Variants in SPECC1L observed in about 807,000 individuals in gnomAD.
The protein encoded by SPECC1L is cytospin-A.
Under a neutral mutation model 116.8 loss-of-function variants are expected in SPECC1L, and 40 were observed. The ratio of observed to expected loss-of-function variants is 0.34; its 90% CI spans 0.27 to 0.45. The LOEUF is 0.45. Among genes scored for constraint, SPECC1L ranks in the 20% least tolerant of loss-of-function variants. The pLI is 1.00. For missense variants in SPECC1L, 1,110 were observed against 1,373.6 expected, an observed-to-expected ratio of 0.81 and a Z score of 3.03; for synonymous variants, 504 against 500.6, an observed-to-expected ratio of 1.01 and a Z score of -0.09.
In SPECC1L at chr22:24,330,450, G is replaced by A; in HGVS notation, c.2396+19G>A. On this transcript the variant is annotated intron_variant, in intron 8 of 16. Transcript: ENST00000314328. Reference sequence around the variant, plus strand: ...CACGCAAGTAAGTTCTGAGAAACCTGTTGTGTACTTATGTTTCAGTAGAGA... The same window carrying A: ...CACGCAAGTAAGTTCTGAGAAACCTATTGTGTACTTATGTTTCAGTAGAGA... The A allele has an allele frequency of 6.2e-7, 1 of 1,613,576 alleles. No homozygotes were observed. Among genetic ancestry groups the A allele is most frequent in the Non-Finnish European group, 8.5e-7 (1 of 1,179,536 alleles).
At chr22:24,412,615 T>C in intron 15 of SPECC1L, 33 bp from the exon 16 acceptor site, 2 of 1,611,824 alleles carry the variant, frequency 1.2e-6, no homozygotes, top group Non-Finnish European at 1.7e-6. Context: ...TGTGCCTTGT[T>C]CATGCACTGC....
At chr22:24,329,998 T>C (rs774388304) in intron 7 of SPECC1L, among the ~76,000 whole-genome samples, 1 of 152,242 alleles carries the variant, frequency 6.6e-6, no homozygotes, top group Non-Finnish European at 1.5e-5. Context: ...CATTAATATC[T>C]GTTGAGCACT....
chr22:24,371,841 C>T (rs1452814681), intron 14 of SPECC1L, among the ~76,000 whole-genome samples: 2 of 152,324 alleles, frequency 1.3e-5, no homozygotes, highest in Non-Finnish European at 2.9e-5. Flanking sequence ...TCTGCCTCAG[C>T]CTCTCAAGTA....
At chr22:24,275,894 T>G (rs397843548) in intron 1 of SPECC1L, among the ~76,000 whole-genome samples, 7 of 152,216 alleles carry the variant, frequency 4.6e-5, no homozygotes, top group South Asian at 4.1e-4. Flanking sequence ...AAATTGTTTT[T>G]GAGAGACGTG....
Position 24,302,203 on chromosome 22 carries a change from G to A in SPECC1L, c.-29G>A, listed in dbSNP as rs1326554212. Reference sequence around the variant, plus strand: ...CCATTTTTTTCCCACAGATTTGCTTGTAAATGCATCACGAAGAGGCAGCCC... The same window carrying A: ...CCATTTTTTTCCCACAGATTTGCTTATAAATGCATCACGAAGAGGCAGCCC... On this transcript the variant is annotated 5_prime_UTR_variant, in exon 3 of 17. Transcript: ENST00000314328. The A allele has an allele frequency of 5.0e-6, 8 of 1,613,364 alleles. No individual in the cohort carries two copies. The Admixed American group carries it at 6.7e-5, about 13-fold the overall frequency.
At chr22:24,356,239 T>C (rs749050906) in intron 11 of SPECC1L, among the ~76,000 whole-genome samples, 1 of 152,232 alleles carries the variant, frequency 6.6e-6, no homozygotes, top group Non-Finnish European at 1.5e-5. Context: ...TTCTGTCTGC[T>C]CGTTTCTAGG....
chr22:24,412,844 G>GGCC, intron 16 of SPECC1L, 137 bp downstream of exon 16: 1 of 884,384 alleles, frequency 1.1e-6, no homozygotes, highest in Non-Finnish European at 1.9e-6. Context: ...GTGCTCTGGG[G>GGCC]CCAAGGGAGG....
intron 8 of SPECC1L, 49 bp downstream of exon 8, chr22:24,330,480 TTAAA>T: frequency 6.3e-7 from 1 of 1,592,902 alleles, no homozygotes; most frequent in African/African-American, 1.3e-5. Flanking sequence ...TAGAGAACAC[TTAAA>T]TCCCAATTTT....
At chr22:24,411,726 C>A (rs748287793) in intron 15 of SPECC1L, 22 bp downstream of exon 15, 1 of 1,587,300 alleles carries the variant, frequency 6.3e-7, no homozygotes, top group East Asian at 2.2e-5. Flanking sequence ...AGGGCCAGCT[C>A]CTGGCACCCA....
At chr22:24,316,812 T>G (rs2040579632) in intron 4 of SPECC1L, among the ~76,000 whole-genome samples, 1 of 142,520 alleles carries the variant, frequency 7.0e-6, no homozygotes, top group African/African-American at 2.6e-5. Flanking sequence ...CCAGACGGGG[T>G]GGTGGCCGGG....
chr22:24,330,476 A>G (rs1569423549), intron 8 of SPECC1L, 45 bp downstream of exon 8: 1 of 1,601,724 alleles, frequency 6.2e-7, no homozygotes, highest in Admixed American at 1.7e-5. Flanking sequence ...TCAGTAGAGA[A>G]CACTTAAATC....
At chr22:24,323,292 G>C (rs957726922) in intron 5 of SPECC1L, among the ~76,000 whole-genome samples, 3 of 152,166 alleles carry the variant, frequency 2.0e-5, no homozygotes, top group African/African-American at 7.2e-5. Flanking sequence ...CAGTATTCCA[G>C]TCTGTAGCAT....
intron 3 of SPECC1L, 90 bp from the exon 4 acceptor site, chr22:24,313,223 T>G (rs1323175759): frequency 8.6e-6 from 12 of 1,401,552 alleles, no homozygotes; most frequent in Non-Finnish European, 1.2e-5. Flanking sequence ...GCTCTTGAAC[T>G]TAGTATAAAA....
chr22:24,373,854 G>A (rs1327091129), intron 14 of SPECC1L, among the ~76,000 whole-genome samples: 1 of 151,998 alleles, frequency 6.6e-6, no homozygotes, highest in Non-Finnish European at 1.5e-5. Flanking sequence ...CAGAATGGGA[G>A]AAAATTTTCG....
chr22:24,271,982 T>A (rs973311836), intron 1 of SPECC1L, among the ~76,000 whole-genome samples: 4 of 152,192 alleles, frequency 2.6e-5, no homozygotes, highest in African/African-American at 9.7e-5. Flanking sequence ...GCTGTAGGCT[T>A]TGTAGACAAC....
At chr22:24,396,296 T>G (rs1355138139) in intron 14 of SPECC1L, among the ~76,000 whole-genome samples, 1 of 41,126 alleles carries the variant, frequency 2.4e-5, no homozygotes, top group Non-Finnish European at 4.7e-5. Context: ...CTTTCTGTGG[T>G]TTTTTTTTTT....
At chr22:24,356,773 T>C (rs369048109) in intron 11 of SPECC1L, among the ~76,000 whole-genome samples, 1 of 151,730 alleles carries the variant, frequency 6.6e-6, no homozygotes, top group Admixed American at 6.5e-5. Context: ...TGACCATTTG[T>C]TATTACTTTG....
intron 14 of SPECC1L, among the ~76,000 whole-genome samples, chr22:24,373,212 A>G (rs897466326): frequency 3.3e-5 from 5 of 152,334 alleles, no homozygotes; most frequent in African/African-American, 1.2e-4. Context: ...AAGGTAATTT[A>G]TAGATTCAGT....
At chr22:24,316,407 T>A in intron 4 of SPECC1L, among the ~76,000 whole-genome samples, 1 of 150,992 alleles carries the variant, frequency 6.6e-6, no homozygotes, top group East Asian at 1.9e-4. Flanking sequence ...CTGGTTTTCC[T>A]AGGCAGAGGA....
Sources: gnomAD v4.1 joint callset for allele counts (sites outside exome capture counted in the v4.1 genomes callset) on GRCh38, gnomAD v4.1.1 for gene constraint, MANE v1.5 for transcripts, NCBI Gene and HGNC (gene_info 2026-07-23, HGNC 2026-07-21) for gene names.